SLC36A2: variants seen among roughly 807,000 people sequenced by gnomAD.
SLC36A2 encodes the protein proton-coupled amino acid transporter 2.
A neutral mutation model predicts 42.7 loss-of-function variants in SLC36A2; 39 were observed. The ratio of observed to expected loss-of-function variants is 0.91; its 90% CI spans 0.71 to 1.19. SLC36A2 has a LOEUF of 1.19. Ranked by LOEUF, SLC36A2 falls within the 50% of genes most tolerant of loss-of-function variation. SLC36A2 has a pLI of 0.00. For synonymous variants in SLC36A2, 237 were observed against 240.8 expected (o/e 0.98, Z 0.15); for missense variants, 590 against 613.7 (o/e 0.96, Z 0.41).
At chr5:151,337,307 T>TA (rs1351387045) in intron 5 of SLC36A2, among the ~76,000 whole-genome samples, 3 of 152,148 alleles carry the variant, frequency 2.0e-5, no homozygotes, top group Non-Finnish European at 4.4e-5. Flanking sequence ...AACCTGTCAA[T>TA]ACCCAGCTCA....
In SLC36A2 at chr5:151,325,406, G is replaced by C. The variant is rs1204867637; in HGVS notation, c.890C>G (p.Ala297Gly). Reference sequence around the variant, plus strand: ...GATGGACATTCCCAAAGACAGGATGGCTGGGAAGTGGCGGGCATTCTTCAT... The same window carrying C: ...GATGGACATTCCCAAAGACAGGATGCCTGGGAAGTGGCGGGCATTCTTCAT... ...NKMKNARHFPAILSLGMSIVT... is the reference protein window; with the variant it reads ...NKMKNARHFPGILSLGMSIVT... The change falls in exon 8 of 10, where the codon GCC becomes GGC. Residue 297 changes from alanine to glycine, a missense_variant. Ala to Gly is a moderately conservative substitution (Grantham distance 60, BLOSUM62 0). Coordinates refer to ENST00000335244, the MANE Select transcript of SLC36A2 (RefSeq NM_181776.3). 6 of 1,614,084 alleles carry C rather than the reference G, an allele frequency of 3.7e-6. No homozygotes were observed. Among genetic ancestry groups the C allele is most frequent in the Non-Finnish European group, 5.1e-6 (6 of 1,180,054 alleles).
At chr5:151,324,152 T>A (rs1420097294) in intron 8 of SLC36A2, among the ~76,000 whole-genome samples, 2 of 152,092 alleles carry the variant, frequency 1.3e-5, no homozygotes, top group Non-Finnish European at 2.9e-5. Flanking sequence ...TTTGTTTGTT[T>A]GTTTGTTTGT....
chr5:151,342,882 G>A lies in SLC36A2; in HGVS notation c.440+6C>T, dbSNP rs764778028. 2.5e-6 allele frequency: 4 copies of A among 1,613,522 alleles called. No homozygotes were observed. Among genetic ancestry groups the A allele is most frequent in the Non-Finnish European group, 3.4e-6 (4 of 1,179,584 alleles). On this transcript the variant is annotated splice_donor_region_variant and intron_variant, in intron 4 of 9. Coordinates refer to ENST00000335244, the MANE Select transcript of SLC36A2 (RefSeq NM_181776.3). Reference sequence around the variant, plus strand: ...CCCCACTGCAGGCAAAGCAAGAACAGGTTACCTTCCCCAGTGAGCGTGATT... The same window carrying A: ...CCCCACTGCAGGCAAAGCAAGAACAAGTTACCTTCCCCAGTGAGCGTGATT...
intron 6 of SLC36A2, 37 bp downstream of exon 6, chr5:151,335,292 G>T (rs1756119353): frequency 6.5e-7 from 1 of 1,530,188 alleles, no homozygotes; most frequent in Admixed American, 1.9e-5. Context: ...AAAAAACCCT[G>T]CCCAGTGGAG....
Position 151,325,453 on chromosome 5 carries a change from C to T in SLC36A2, c.844-1G>A. The T allele has an allele frequency of 6.2e-7, 1 of 1,613,936 alleles. No individual in the cohort carries two copies. The highest frequency in any genetic ancestry group is 8.5e-7 in the Non-Finnish European group (1 of 1,179,988). On this transcript the variant is annotated splice_acceptor_variant, in intron 7 of 9. Coordinates refer to ENST00000335244, the MANE Select transcript of SLC36A2 (RefSeq NM_181776.3). LOFTEE classifies it high-confidence loss of function. ...TCATCTTGTTTTCCAGAGGCAGAAC[C>T]TACAGAAACATCACAATGTAAGAAG...
intron 1 of SLC36A2, among the ~76,000 whole-genome samples, chr5:151,346,619 C>G (rs1310705906): frequency 6.6e-6 from 1 of 152,178 alleles, no homozygotes; most frequent in African/African-American, 2.4e-5. Flanking sequence ...ACACCCCACA[C>G]CTTTTGTTCC....
chr5:151,332,012 A>G (rs1467013338), intron 7 of SLC36A2, among the ~76,000 whole-genome samples: 2 of 152,080 alleles, frequency 1.3e-5, no homozygotes, highest in Non-Finnish European at 2.9e-5. Context: ...GATTACAGGT[A>G]CATGCTGCCA....
At chr5:151,347,096 T>G (rs1343900268) in intron 1 of SLC36A2, among the ~76,000 whole-genome samples, 1 of 152,216 alleles carries the variant, frequency 6.6e-6, no homozygotes, top group Non-Finnish European at 1.5e-5. Context: ...TTTTGGGATC[T>G]GGATCACTAT....
intron 4 of SLC36A2, among the ~76,000 whole-genome samples, chr5:151,340,197 A>T (rs1365306213): frequency 3.3e-4 from 37 of 110,688 alleles, no homozygotes; most frequent in Non-Finnish European, 3.7e-4. Flanking sequence ...GAGGTGGAGG[A>T]GGAGGAGAGG....
chr5:151,323,983 C>T (rs1258100588), intron 8 of SLC36A2, among the ~76,000 whole-genome samples: 1 of 152,232 alleles, frequency 6.6e-6, no homozygotes, highest in Non-Finnish European at 1.5e-5. Context: ...TAATTAATGA[C>T]ATGACCTGGT....
intron 5 of SLC36A2, among the ~76,000 whole-genome samples, chr5:151,335,827 G>C (rs911043683): frequency 2.6e-5 from 4 of 152,000 alleles, no homozygotes; most frequent in African/African-American, 9.7e-5. Context: ...TCAGAAGTTC[G>C]AGACCAGCCT....
intron 5 of SLC36A2, among the ~76,000 whole-genome samples, chr5:151,337,451 T>C (rs577738651): frequency 9.8e-5 from 15 of 152,324 alleles, no homozygotes; most frequent in Non-Finnish European, 1.8e-4. Context: ...ATTTAACTTA[T>C]TAGGTTTTAG....
intron 1 of SLC36A2, among the ~76,000 whole-genome samples, chr5:151,346,222 G>A (rs1039622496): frequency 6.6e-6 from 1 of 152,048 alleles, no homozygotes; most frequent in African/African-American, 2.4e-5. Flanking sequence ...GCAGTGGCTG[G>A]CCCCAACTTA....
chr5:151,343,313 A>G (rs762928338), intron 3 of SLC36A2, among the ~76,000 whole-genome samples, 197 bp downstream of exon 3: 11 of 152,190 alleles, frequency 7.2e-5, no homozygotes, highest in South Asian at 2.1e-4. Context: ...GATAAGCACA[A>G]TAGCCTGACT....
intron 4 of SLC36A2, among the ~76,000 whole-genome samples, chr5:151,342,149 A>G (rs1438843457): frequency 6.6e-6 from 1 of 152,224 alleles, no homozygotes; most frequent in East Asian, 1.9e-4. Flanking sequence ...GTTTTAAGAA[A>G]AGAACAAATA....
intron 9 of SLC36A2, 103 bp from the exon 10 acceptor site, chr5:151,317,191 C>T (rs1755525476): frequency 1.4e-6 from 2 of 1,451,416 alleles, no homozygotes; most frequent in Admixed American, 3.9e-5. Flanking sequence ...GTGGCTCACA[C>T]TTGTAATCCC....
chr5:151,338,922 G>A (rs1412838690), intron 5 of SLC36A2, 138 bp downstream of exon 5: 1 of 686,308 alleles, frequency 1.5e-6, no homozygotes, highest in Admixed American at 1.8e-5. Flanking sequence ...AACTAGGGGA[G>A]GCAAGTTTGA....
intron 6 of SLC36A2, among the ~76,000 whole-genome samples, chr5:151,334,810 A>G (rs1756100187): frequency 1.3e-5 from 2 of 152,230 alleles, no homozygotes; most frequent in African/African-American, 2.4e-5. Flanking sequence ...CTAACATTAT[A>G]ATAGATTTGC....
intron 9 of SLC36A2, among the ~76,000 whole-genome samples, chr5:151,318,420 T>TAAATAATATAAATAAATAATAC (rs1755565423): frequency 7.0e-6 from 1 of 143,196 alleles, no homozygotes; most frequent in Non-Finnish European, 1.5e-5. Context: ...AAAAATAATA[T>TAAATAATATAAATAAATAATAC]AAATAATATA....
Sources: gnomAD v4.1 joint callset for allele counts (sites outside exome capture counted in the v4.1 genomes callset) on GRCh38, gnomAD v4.1.1 for gene constraint, MANE v1.5 for transcripts, NCBI Gene and HGNC (gene_info 2026-07-23, HGNC 2026-07-21) for gene names.